Variants in REXO1 observed in about 807,000 individuals in gnomAD.
REXO1 encodes the protein REX1, RNA exonuclease 1 homolog.
REXO1 carries 42 observed loss-of-function variants against 102.6 expected under a neutral mutation model. That is an observed-to-expected ratio of 0.41 (90% CI 0.32 to 0.53). The LOEUF (loss-of-function observed/expected upper bound fraction) is 0.53. Ranked by LOEUF, REXO1 falls within the 20% of genes least tolerant of loss-of-function variation. The pLI is 0.27. For synonymous variants in REXO1, 908 were observed against 779.1 expected, an observed-to-expected ratio of 1.17 and a Z score of -2.76; for missense variants, 1,819 against 1,732.5, an observed-to-expected ratio of 1.05 and a Z score of -0.89.
chr19:1,845,646 A>G (rs950293906), intron 1 of REXO1, among the ~76,000 whole-genome samples: 2 of 152,182 alleles, frequency 1.3e-5, no homozygotes, highest in Non-Finnish European at 2.9e-5. Context: ...CCTGGGTGAT[A>G]AAGTGAGACC....
In REXO1 at chr19:1,820,060, G is replaced by A. The variant is rs761210600; in HGVS notation, c.2527-3C>T. The A allele has an allele frequency of 3.1e-5, 50 of 1,600,848 alleles. No individual in the cohort carries two copies. The highest frequency in any genetic ancestry group is 4.1e-5 in the Non-Finnish European group (48 of 1,176,506). On this transcript the variant is annotated splice_polypyrimidine_tract_variant and splice_region_variant and intron_variant, in intron 6 of 15. Transcript: ENST00000170168. ...GCCACCTTCTCCTCGTTCAGTGCCT[G>A]GGGGACAGGCGGTGCCCAGCTGAGG...
Position 1,820,312 on chromosome 19 carries a change from G to A in REXO1, c.2478C>T (p.Ile826=), listed in dbSNP as rs780676105. ...VIRQRYLNLF[I]EECLKFCTSN... ...AGGTACAGAACTTGAGACACTCCTC[G>A]ATGAACAGGTTGAGATAGCGCTGGC... Residue 826 remains isoleucine, a synonymous_variant, in exon 6 of 16, where the codon ATC becomes ATT. Transcript: ENST00000170168. 26 of 1,613,850 alleles carry A rather than the reference G, an allele frequency of 1.6e-5. No homozygotes were observed. Among genetic ancestry groups the A allele is most frequent in the South Asian group, 1.2e-4 (11 of 91,080 alleles).
At position 1,828,362 on chromosome 19, in the gene REXO1, C is replaced by A. The variant is rs1443204037; in HGVS notation, c.427G>T (p.Asp143Tyr). 2 of 1,609,492 alleles carry A rather than the reference C, an allele frequency of 1.2e-6. No individual in the cohort carries two copies. The highest frequency in any genetic ancestry group is 8.5e-7 in the Non-Finnish European group (1 of 1,178,238). The change falls in exon 2 of 16, where the codon GAT (aspartate) becomes TAT (tyrosine). Residue 143 changes from aspartate (D) to tyrosine (Y), a missense_variant. Coordinates refer to ENST00000170168, the MANE Select transcript of REXO1 (RefSeq NM_020695.4). ...NASPTVGPDE[D>Y]AFPLAFDYSP... ...TAGTCGAAGGCCAGTGGGAAGGCAT[C>A]CTCGTCCGGGCCCACAGTGGGGCTG...
intron 1 of REXO1, among the ~76,000 whole-genome samples, chr19:1,835,464 C>G: frequency 6.6e-6 from 1 of 152,148 alleles, no homozygotes; most frequent in East Asian, 1.9e-4. Context: ...AGGAGAATCA[C>G]CTAAACCTGG....
At chr19:1,836,889 C>G (rs1224443103) in intron 1 of REXO1, among the ~76,000 whole-genome samples, 1 of 152,192 alleles carries the variant, frequency 6.6e-6, no homozygotes, top group East Asian at 1.9e-4. Context: ...GCATGCTGGC[C>G]CAGAACAGGC....
rs377354747 is a variant in REXO1 at position 1,827,388 on chromosome 19, C to T, written c.1401G>A (p.Pro467=). The change falls in exon 2 of 16, where the codon CCG becomes CCA. Residue 467 remains proline (P), a synonymous_variant. Coordinates refer to ENST00000170168, the MANE Select transcript of REXO1 (RefSeq NM_020695.4). ...RPSPTSGDSR[P]AAGRGPPRPL... ...GGCGGGGTGGGCCTCTGCCGGCCGCCGGTCGGGAGTCCCCGCTTGTGGGGC... is the reference window on the plus strand; with the variant it reads ...GGCGGGGTGGGCCTCTGCCGGCCGCTGGTCGGGAGTCCCCGCTTGTGGGGC... 83 of 1,536,644 alleles carry T rather than the reference C, an allele frequency of 5.4e-5. 1 individual carries two copies. The highest frequency in any genetic ancestry group is 4.6e-4 in the African/African-American group (33 of 72,196).
chr19:1,817,781 C>T lies in REXO1; in HGVS notation c.3017-1G>A. On this transcript the variant is annotated splice_acceptor_variant, in intron 10 of 15. Coordinates refer to ENST00000170168, the MANE Select transcript of REXO1 (RefSeq NM_020695.4). LOFTEE classifies it high-confidence loss of function. ...TACTGGGTCTCCCAGCCTCCGGCCA[C>T]TGCAGGGGACACAGACACACAGTCA... The T allele has an allele frequency of 1.2e-6, 2 of 1,611,508 alleles. No individual in the cohort carries two copies. Among genetic ancestry groups the T allele is most frequent in the Non-Finnish European group, 1.7e-6 (2 of 1,179,346 alleles).
At chr19:1,844,822 G>A (rs1239250898) in intron 1 of REXO1, among the ~76,000 whole-genome samples, 1 of 152,232 alleles carries the variant, frequency 6.6e-6, no homozygotes, top group Non-Finnish European at 1.5e-5. Context: ...GCTGGGGCCT[G>A]AGTCAGCCTG....
At chr19:1,840,813 C>T (rs946538036) in intron 1 of REXO1, among the ~76,000 whole-genome samples, 7 of 152,120 alleles carry the variant, frequency 4.6e-5, no homozygotes, top group African/African-American at 1.7e-4. Context: ...TCTAGATGGA[C>T]CCAGACAGGG....
rs562222515 is a variant in REXO1, at chr19:1,843,367, C to T, written c.157+4835G>A. Among the ~76,000 whole-genome samples, 15 of 152,270 alleles carry T rather than the reference C, an allele frequency of 9.9e-5. No homozygotes were observed. The East Asian group carries it at 2.1e-3, about 22-fold the overall frequency. Reference sequence around the variant, plus strand: ...CAGGGCCCAGAGCCGCAGCTGGACTCGCAGGCTCGCCGGCGAGGGCTGAAA... The same window carrying T: ...CAGGGCCCAGAGCCGCAGCTGGACTTGCAGGCTCGCCGGCGAGGGCTGAAA... On this transcript the variant is annotated intron_variant, in intron 1 of 15. Coordinates refer to ENST00000170168, the MANE Select transcript of REXO1 (RefSeq NM_020695.4).
At chr19:1,831,305 T>C (rs1376720232) in intron 1 of REXO1, among the ~76,000 whole-genome samples, 1 of 152,196 alleles carries the variant, frequency 6.6e-6, no homozygotes, top group African/African-American at 2.4e-5. Flanking sequence ...GTGCAGCTTG[T>C]CTGAAGGTCG....
chr19:1,818,997 A>T (rs1362293608), intron 8 of REXO1, 21 bp downstream of exon 8: 5 of 1,590,396 alleles, frequency 3.1e-6, no homozygotes, highest in African/African-American at 1.4e-5. Context: ...ACCGTGTGGC[A>T]GAGCAGGGGC....
At position 1,818,598 on chromosome 19, in the gene REXO1, G is replaced by A; in HGVS notation, c.2903-3C>T. The A allele has an allele frequency of 1.2e-6, 2 of 1,609,386 alleles. No homozygotes were observed. Among genetic ancestry groups the A allele is most frequent in the African/African-American group, 1.3e-5 (1 of 74,978 alleles). On this transcript the variant is annotated splice_region_variant and splice_polypyrimidine_tract_variant and intron_variant, in intron 9 of 15. Transcript: ENST00000170168. ...GCGGCAGCAGGTCCTGCAGGAAGCT[G>A]TGGGTGGGGACCCAGGTGGAAGCTG...
intron 1 of REXO1, among the ~76,000 whole-genome samples, chr19:1,829,575 A>G (rs2069847413): frequency 6.6e-6 from 1 of 152,076 alleles, no homozygotes; most frequent in East Asian, 1.9e-4. Context: ...TTGGGAGGCC[A>G]AGGCGGGCGG....
chr19:1,828,114 G>A lies in REXO1; in HGVS notation c.675C>T (p.Asn225=), dbSNP rs747048662. ...PVPSGKYVVD[N]SRPPTDLEYD... Reference sequence around the variant, plus strand: ...ACTCCAGGTCTGTGGGTGGCCTGGAGTTGTCCACCACGTACTTGCCACTGG... The same window carrying A: ...ACTCCAGGTCTGTGGGTGGCCTGGAATTGTCCACCACGTACTTGCCACTGG... The change falls in exon 2 of 16, where the codon AAC becomes AAT. Residue 225 remains asparagine (N), a synonymous_variant. Transcript: ENST00000170168. The A allele has an allele frequency of 1.9e-6, 3 of 1,613,000 alleles. No individual in the cohort carries two copies. The highest frequency in any genetic ancestry group is 1.1e-5 in the South Asian group (1 of 91,014).
chr19:1,816,008 G>C lies in REXO1; in HGVS notation c.*58C>G. 1 of 1,537,896 alleles carries C rather than the reference G, an allele frequency of 6.5e-7. No individual in the cohort carries two copies. Among genetic ancestry groups the C allele is most frequent in the Middle Eastern group, 1.7e-4 (1 of 5,996 alleles). ...AGATTTATTGCACTGTTTTGGAAGA[G>C]GCATGGGGCTAAGGACCAGCGGGAC... On this transcript the variant is annotated 3_prime_UTR_variant, in exon 16 of 16. Coordinates refer to ENST00000170168, the MANE Select transcript of REXO1 (RefSeq NM_020695.4).
rs746956408 is a variant in REXO1, at chr19:1,832,122, TGA to T, written c.158-3493_158-3492del. Among the ~76,000 whole-genome samples the T allele has an allele frequency of 2.8e-4, 42 of 151,524 alleles. 1 individual carries two copies. The highest frequency in any genetic ancestry group is 6.2e-4 in the Non-Finnish European group (42 of 67,874). On this transcript the variant is annotated intron_variant, in intron 1 of 15. Coordinates refer to ENST00000170168, the MANE Select transcript of REXO1 (RefSeq NM_020695.4). ...TCCTTTAAAGAGGGAGGCAGGAGGG[TGA>T]GAGTCAGAGAGACTGGAAAAGGCTG... is the stretch of plus-strand genomic sequence containing the variant.
At chr19:1,831,449 C>A (rs2069898486) in intron 1 of REXO1, among the ~76,000 whole-genome samples, 1 of 152,154 alleles carries the variant, frequency 6.6e-6, no homozygotes, top group African/African-American at 2.4e-5. Flanking sequence ...AGGCACAAGA[C>A]CTCCCACTGT....
At chr19:1,817,142 G>GGGGCCAGATA (rs2145229730) in intron 12 of REXO1, 77 bp downstream of exon 12, 3 of 1,567,170 alleles carry the variant, frequency 1.9e-6, no homozygotes, top group Middle Eastern at 2.1e-4. Context: ...AGGCCCAGAT[G>GGGGCCAGATA]GGGCCAGATG....
Sources: allele counts gnomAD v4.1 joint callset (sites outside exome capture counted in the v4.1 genomes callset), GRCh38; gene constraint gnomAD v4.1.1; transcripts MANE v1.5; gene names NCBI Gene and HGNC (gene_info 2026-07-23, HGNC 2026-07-21).